Variants in PCDHGA1 observed in about 807,000 individuals in gnomAD.
The protein encoded by PCDHGA1 is protocadherin gamma subfamily A, 1.
Under a neutral mutation model 58.0 loss-of-function variants are expected in PCDHGA1, and 32 were observed. That is an observed-to-expected ratio of 0.55 (90% CI 0.42 to 0.74). The LOEUF is 0.74. PCDHGA1 is among the 30% of genes least tolerant of loss of function. The probability of loss-of-function intolerance (pLI) is 0.00; values close to 1 mark genes in which losing one functional copy is unlikely to be tolerated. For missense variants in PCDHGA1, 1,205 were observed against 1,182.3 expected, an observed-to-expected ratio of 1.02 and a Z score of -0.28; for synonymous variants, 498 against 501.1, an observed-to-expected ratio of 0.99 and a Z score of 0.08.
intron 1 of PCDHGA1, chr5:141,351,053 G>A: frequency 2.5e-6 from 4 of 1,614,060 alleles, no homozygotes; most frequent in Non-Finnish European, 3.4e-6. Context: ...GATGGCCACA[G>A]ACCAGGATGA....
At chr5:141,345,371 T>C in intron 1 of PCDHGA1, 1 of 1,614,072 alleles carries the variant, frequency 6.2e-7, no homozygotes, top group Non-Finnish European at 8.5e-7. Flanking sequence ...TTGACATCAA[T>C]GACAACCCAC....
chr5:141,339,588 CT>C (rs974211560), intron 1 of PCDHGA1: 2 of 1,614,112 alleles, frequency 1.2e-6, no homozygotes, highest in African/African-American at 2.7e-5. Flanking sequence ...GAGGAAGAGG[CT>C]GTTCACCACC....
chr5:141,431,604 G>C lies in PCDHGA1; in HGVS notation c.2422-63203G>C. 1 of 1,614,206 alleles carries C rather than the reference G, an allele frequency of 6.2e-7. No individual in the cohort carries two copies. Among genetic ancestry groups the C allele is most frequent in the South Asian group, 1.1e-5 (1 of 91,088 alleles). On this transcript the variant is annotated intron_variant, in intron 1 of 3. Coordinates refer to ENST00000517417, the MANE Select transcript of PCDHGA1 (RefSeq NM_018912.3). The surrounding 1 kb of genome is among the most constrained non-coding windows in gnomAD (Gnocchi z 4.8). ...AATGCGGAAGTGAGGTATTCCTTCC[G>C]GTATGTGGACGACAAGGCGGCCCAA...
At chr5:141,418,794 TAGAA>T in intron 1 of PCDHGA1, 1 of 1,613,706 alleles carries the variant, frequency 6.2e-7, no homozygotes, top group South Asian at 1.1e-5. Flanking sequence ...TTTGAAGAAG[TAGAA>T]AGATATACGA....
At position 141,413,154 on chromosome 5, in the gene PCDHGA1, A is replaced by C. The variant is rs1308503780; in HGVS notation, c.2421+80049A>C. 10 of 1,576,026 alleles carry C rather than the reference A, an allele frequency of 6.3e-6. No homozygotes were observed. In the South Asian group the frequency reaches 1.2e-4, roughly 18 times the overall value. ...ACAACGTGTCCAGTGAGGACTTTGC[A>C]GAATTCTGTAACCAGACTACAATGG... On this transcript the variant is annotated intron_variant, in intron 1 of 3. Coordinates refer to ENST00000517417, the MANE Select transcript of PCDHGA1 (RefSeq NM_018912.3).
intron 1 of PCDHGA1, chr5:141,383,720 A>T (rs963032230): frequency 1.2e-5 from 19 of 1,613,888 alleles, no homozygotes; most frequent in Non-Finnish European, 1.6e-5. Flanking sequence ...GAGGGAGTCA[A>T]TGGGGAAGTG....
At chr5:141,392,575 T>C (rs1185769260) in intron 1 of PCDHGA1, 2 of 459,466 alleles carry the variant, frequency 4.4e-6, no homozygotes, top group Non-Finnish European at 7.7e-6. Flanking sequence ...TATTTAGGAC[T>C]GTAAGCGCCG....
At chr5:141,380,354 T>G (rs1776410216) in intron 1 of PCDHGA1, among the ~76,000 whole-genome samples, 1 of 152,154 alleles carries the variant, frequency 6.6e-6, no homozygotes, top group Admixed American at 6.5e-5. Context: ...TTGTTGTTTG[T>G]TTTTTAGAAA....
At chr5:141,389,843 G>T (rs372102656) in intron 1 of PCDHGA1, 3 of 1,614,016 alleles carry the variant, frequency 1.9e-6, no homozygotes, top group Non-Finnish European at 2.5e-6. Context: ...CACCACTCTC[G>T]GCCACTGCCA....
At chr5:141,399,398 G>T (rs1374441258) in intron 1 of PCDHGA1, 4 of 1,613,854 alleles carry the variant, frequency 2.5e-6, no homozygotes, top group Non-Finnish European at 3.4e-6. Flanking sequence ...ACAGACAGGG[G>T]CAAGCCGCCC....
Position 141,432,736 on chromosome 5 carries a change from G to T in PCDHGA1, c.2422-62071G>T. On this transcript the variant is annotated intron_variant, in intron 1 of 3. Transcript: ENST00000517417. The surrounding 1 kb of genome is among the most constrained non-coding windows in gnomAD (Gnocchi z 6.0). ...AGCCCCCTCTCTCCGCCACTGTCACGCTCACCGTGGCCGTGGCCGACAGCA... is the reference window on the plus strand; with the variant it reads ...AGCCCCCTCTCTCCGCCACTGTCACTCTCACCGTGGCCGTGGCCGACAGCA... The T allele has an allele frequency of 6.2e-7, 1 of 1,614,058 alleles. No individual in the cohort carries two copies. The highest frequency in any genetic ancestry group is 8.5e-7 in the Non-Finnish European group (1 of 1,179,980).
intron 1 of PCDHGA1, chr5:141,382,970 G>A (rs776231859): frequency 1.9e-6 from 3 of 1,609,444 alleles, no homozygotes; most frequent in Non-Finnish European, 2.5e-6. Context: ...GGGACCCCCT[G>A]GGAAGCCTGG....
intron 1 of PCDHGA1, chr5:141,351,700 C>A (rs753470957): frequency 3.1e-6 from 5 of 1,613,838 alleles, no homozygotes; most frequent in Non-Finnish European, 4.2e-6. Context: ...TGGGACCCAA[C>A]GGCAGAGTCT....
intron 1 of PCDHGA1, among the ~76,000 whole-genome samples, chr5:141,348,336 G>A (rs1758099734): frequency 6.6e-6 from 1 of 152,280 alleles, no homozygotes; most frequent in African/African-American, 2.4e-5. Context: ...AAGGCCCATA[G>A]CCAGGGGAGG....
At chr5:141,389,585 C>G in intron 1 of PCDHGA1, 1 of 1,613,182 alleles carries the variant, frequency 6.2e-7, no homozygotes, top group Non-Finnish European at 8.5e-7. Context: ...CGCTGGGTCC[C>G]GACGGCTCTG....
Position 141,330,594 on chromosome 5 carries a change from T to A in PCDHGA1, c.-91T>A. On this transcript the variant is annotated 5_prime_UTR_variant, in exon 1 of 4. Transcript: ENST00000517417. ...CTTCTGGATGACTCTCCAGTCAGAA[T>A]TCTCCTGAAAATTGGGTTAATTTCA... 1 of 1,372,464 alleles carries A rather than the reference T, an allele frequency of 7.3e-7. No homozygotes were observed. The highest frequency in any genetic ancestry group is 9.9e-7 in the Non-Finnish European group (1 of 1,009,770). 85.0% of individuals were successfully genotyped at this position (1,372,464 alleles called of 1,614,324 possible).
At position 141,330,518 on chromosome 5, in the gene PCDHGA1, C is replaced by A; in HGVS notation, c.-167C>A. 1.5e-6 allele frequency: 1 copy of A among 655,698 alleles called. No homozygotes were observed. Among genetic ancestry groups the A allele is most frequent in the Non-Finnish European group, 2.5e-6 (1 of 404,060 alleles). The allele number at this position is 655,698 out of a possible 1,614,324, so 40.6% of individuals were successfully genotyped here. On this transcript the variant is annotated 5_prime_UTR_variant, in exon 1 of 4. Coordinates refer to ENST00000517417, the MANE Select transcript of PCDHGA1 (RefSeq NM_018912.3). ...AAAAAGCTCTCGTGCCTCTTAGAAC[C>A]TCCATAACCGCCAGATTGAAAACTG... is the stretch of plus-strand genomic sequence containing the variant.
chr5:141,399,421 A>G lies in PCDHGA1; in HGVS notation c.2421+66316A>G, dbSNP rs1444290267. On this transcript the variant is annotated intron_variant, in intron 1 of 3. Coordinates refer to ENST00000517417, the MANE Select transcript of PCDHGA1 (RefSeq NM_018912.3). ...GGGCAAGCCGCCCCTCTCCTCCAGCATAAGCGTCATCCTACATATCAGAGA... is the reference window on the plus strand; with the variant it reads ...GGGCAAGCCGCCCCTCTCCTCCAGCGTAAGCGTCATCCTACATATCAGAGA... 1.2e-6 allele frequency: 2 copies of G among 1,614,036 alleles called. No homozygotes were observed. Among genetic ancestry groups the G allele is most frequent in the Middle Eastern group, 1.6e-4 (1 of 6,062 alleles).
At chr5:141,340,730 C>T (rs769088304) in intron 1 of PCDHGA1, 2 of 1,613,974 alleles carry the variant, frequency 1.2e-6, no homozygotes, top group African/African-American at 1.3e-5. Context: ...GCCCGGCTAC[C>T]TGGTGACCAA....
Sources: gnomAD v4.1 joint callset for allele counts (sites outside exome capture counted in the v4.1 genomes callset) on GRCh38, gnomAD v4.1.1 for gene constraint, Gnocchi (gnomAD v3.1) non-coding constraint, MANE v1.5 for transcripts, NCBI Gene and HGNC (gene_info 2026-07-23, HGNC 2026-07-21) for gene names.